The following DPP10 variants were observed in gnomAD, a reference collection of about 807,000 sequenced individuals.
The protein encoded by DPP10 is dipeptidyl peptidase like 10, also known as inactive dipeptidyl peptidase 10.
DPP10 carries 33 observed loss-of-function variants against 120.9 expected under a neutral mutation model. The observed-to-expected ratio is 0.27, with a 90% CI of 0.21 to 0.37. The LOEUF (loss-of-function observed/expected upper bound fraction) is 0.37, where lower values mean the gene tolerates loss of function less well. Among genes scored for constraint, DPP10 ranks in the 10% least tolerant of loss-of-function variants. The probability of loss-of-function intolerance (pLI) is 1.00; values close to 1 mark genes in which losing one functional copy is unlikely to be tolerated. For synonymous variants in DPP10, 337 were observed against 326.1 expected (o/e 1.03, Z -0.36); for missense variants, 816 against 942.8 (o/e 0.87, Z 1.76).
chr2:114,558,651 A>G (rs1283616617), intron 1 of DPP10, among the ~76,000 whole-genome samples: 1 of 152,262 alleles, frequency 6.6e-6, no homozygotes, highest in Non-Finnish European at 1.5e-5. Flanking sequence ...TGCCCAGCCC[A>G]ATGGCAGACA....
intron 2 of DPP10, among the ~76,000 whole-genome samples, chr2:115,311,269 AGTGTTATTATG>A (rs2061564731): frequency 6.6e-6 from 1 of 152,138 alleles, no homozygotes; most frequent in South Asian, 2.1e-4. Context: ...CCAACATTGC[AGTGTTATTATG>A]GAGGTAAAAT....
At chr2:115,436,143 A>G (rs577707578) in intron 3 of DPP10, among the ~76,000 whole-genome samples, 2 of 151,978 alleles carry the variant, frequency 1.3e-5, no homozygotes, top group South Asian at 2.1e-4. Context: ...ATAAAAGTCT[A>G]TTGCAATGCA....
chr2:115,030,483 C>T (rs1509749), intron 1 of DPP10, among the ~76,000 whole-genome samples: 63,062 of 151,362 alleles, frequency 0.42, 13,219 homozygotes, highest in South Asian at 0.54. Flanking sequence ...TTTCTTTTTT[C>T]CCAACTTTTA....
At chr2:115,380,085 G>C (rs1025982111) in intron 3 of DPP10, among the ~76,000 whole-genome samples, 10 of 152,180 alleles carry the variant, frequency 6.6e-5, no homozygotes, top group Non-Finnish European at 1.5e-4. Flanking sequence ...GTGCAGAGTT[G>C]AGTTCAATTC....
intron 1 of DPP10, among the ~76,000 whole-genome samples, chr2:114,721,367 T>C (rs1177207038): frequency 6.6e-6 from 1 of 152,242 alleles, no homozygotes; most frequent in African/African-American, 2.4e-5. Flanking sequence ...ATTTCTGAAT[T>C]AAGCATTTGG....
chr2:114,479,402 T>G (rs953255597), intron 1 of DPP10, among the ~76,000 whole-genome samples: 6 of 89,958 alleles, frequency 6.7e-5, no homozygotes, highest in Non-Finnish European at 1.5e-4. Context: ...CATAGATCAA[T>G]GAAAAAATGA....
At chr2:115,105,422 TGAGAGA>T (rs10565038) in intron 1 of DPP10, among the ~76,000 whole-genome samples, 1,612 of 146,018 alleles carry the variant, frequency 0.011, 29 homozygotes, top group African/African-American at 0.033. Context: ...TGTCACATGG[TGAGAGA>T]GAGAGAGAGA....
chr2:114,852,611 T>A (rs1689044407), intron 1 of DPP10, among the ~76,000 whole-genome samples: 1 of 152,186 alleles, frequency 6.6e-6, no homozygotes, highest in South Asian at 2.1e-4. Flanking sequence ...CATCTGTGGA[T>A]TTCAGTTTCC....
intron 1 of DPP10, among the ~76,000 whole-genome samples, chr2:115,137,841 C>T (rs2050728759): frequency 1.3e-5 from 2 of 152,166 alleles, no homozygotes; most frequent in South Asian, 2.1e-4. Flanking sequence ...ACTATTAGAA[C>T]AAGAGCCAAT....
intron 1 of DPP10, among the ~76,000 whole-genome samples, chr2:114,769,825 C>T (rs1226239746): frequency 6.6e-6 from 1 of 152,136 alleles, no homozygotes; most frequent in Non-Finnish European, 1.5e-5. Flanking sequence ...GTCTTTTTAT[C>T]TTTCAAGTTT....
chr2:115,739,697 A>C (rs370051631), intron 8 of DPP10, 42 bp from the exon 9 acceptor site: 2 of 1,601,772 alleles, frequency 1.2e-6, no homozygotes, highest in African/African-American at 2.7e-5. Flanking sequence ...CACTGAGCCC[A>C]CATCTCTACA....
At chr2:114,683,645 A>G (rs1699179218) in intron 1 of DPP10, among the ~76,000 whole-genome samples, 2 of 151,030 alleles carry the variant, frequency 1.3e-5, no homozygotes, top group East Asian at 2.0e-4. Context: ...CCTATATCAC[A>G]ACAAAGAATG....
intron 1 of DPP10, among the ~76,000 whole-genome samples, chr2:114,543,560 G>A: frequency 6.6e-6 from 1 of 152,086 alleles, no homozygotes. Flanking sequence ...GCTGTCTTTG[G>A]AAATATTCTT....
chr2:115,150,187 G>A (rs2051457919), intron 1 of DPP10, among the ~76,000 whole-genome samples: 1 of 152,200 alleles, frequency 6.6e-6, no homozygotes, highest in Non-Finnish European at 1.5e-5. Flanking sequence ...GCCCTATGAA[G>A]GGGACTGCTT....
At chr2:115,382,721 GA>G (rs774651702) in intron 3 of DPP10, among the ~76,000 whole-genome samples, 13 of 152,216 alleles carry the variant, frequency 8.5e-5, no homozygotes, top group Non-Finnish European at 1.9e-4. Context: ...TATAAAAAAA[GA>G]GCTGGAATAG....
chr2:115,099,130 C>CAAAAAAA (rs55815168), intron 1 of DPP10, among the ~76,000 whole-genome samples: 1 of 74,798 alleles, frequency 1.3e-5, no homozygotes, highest in Non-Finnish European at 2.9e-5. Context: ...GCTAAAAATA[C>CAAAAAAA]AAAAAAAAAA....
intron 5 of DPP10, among the ~76,000 whole-genome samples, chr2:115,625,349 A>G (rs936783051): frequency 6.6e-6 from 1 of 152,154 alleles, no homozygotes; most frequent in Non-Finnish European, 1.5e-5. Context: ...ATAGTGTGCT[A>G]AGGAGATACT....
chr2:115,020,555 A>G (rs1434419758), intron 1 of DPP10, among the ~76,000 whole-genome samples: 1 of 152,158 alleles, frequency 6.6e-6, no homozygotes, highest in Non-Finnish European at 1.5e-5. Context: ...TGGCAACACA[A>G]TAATAGTGGA....
intron 19 of DPP10, among the ~76,000 whole-genome samples, chr2:115,806,097 T>C (rs1438531897): frequency 6.6e-6 from 1 of 152,178 alleles, no homozygotes; most frequent in African/African-American, 2.4e-5. Context: ...TAAAGGAATT[T>C]AAAATACGTG....
Sources: allele counts gnomAD v4.1 joint callset (sites outside exome capture counted in the v4.1 genomes callset), GRCh38; gene constraint gnomAD v4.1.1; transcripts MANE v1.5; gene names NCBI Gene and HGNC (gene_info 2026-07-23, HGNC 2026-07-21).